The following MYO9A variants were observed in gnomAD, a reference collection of about 807,000 sequenced individuals.
MYO9A encodes myosin IXA, also known as unconventional myosin-IXa.
Under a neutral mutation model 293.3 loss-of-function variants are expected in MYO9A, and 103 were observed. The ratio of observed to expected loss-of-function variants is 0.35; its 90% confidence interval spans 0.30 to 0.41. The LOEUF (loss-of-function observed/expected upper bound fraction) is 0.41, where lower values mean the gene tolerates loss of function less well. Ranked by LOEUF, MYO9A falls within the 10% of genes least tolerant of loss-of-function variation. The pLI, the probability that MYO9A is intolerant of heterozygous loss-of-function variation, is 1.00. For synonymous variants in MYO9A, 1,001 were observed against 1,035.7 expected, an observed-to-expected ratio of 0.97 and a Z score of 0.64; for missense variants, 2,685 against 3,033.0, an observed-to-expected ratio of 0.89 and a Z score of 2.69.
chr15:71,924,335 A>T (rs555523629), intron 18 of MYO9A, among the ~76,000 whole-genome samples: 6 of 151,970 alleles, frequency 3.9e-5, no homozygotes, highest in Non-Finnish European at 7.4e-5. Context: ...TCCACCTCCC[A>T]GGTTCAAGCC....
At chr15:71,981,701 T>C (rs1335190180) in intron 11 of MYO9A, among the ~76,000 whole-genome samples, 1 of 151,848 alleles carries the variant, frequency 6.6e-6, no homozygotes, top group Non-Finnish European at 1.5e-5. Flanking sequence ...TTCATCAATA[T>C]TATTAGCCCT....
At chr15:71,940,407 G>A (rs560657470) in intron 15 of MYO9A, among the ~76,000 whole-genome samples, 1 of 152,216 alleles carries the variant, frequency 6.6e-6, no homozygotes, top group Admixed American at 6.5e-5. Flanking sequence ...TGGGAGAACT[G>A]CTTGGGCCCC....
chr15:72,082,890 GGT>G (rs1217581130), intron 1 of MYO9A, among the ~76,000 whole-genome samples: 3 of 149,070 alleles, frequency 2.0e-5, no homozygotes, highest in Admixed American at 6.8e-5. Context: ...GATCATGGTG[GGT>G]AAGTTTTTTG....
chr15:72,096,560 G>A (rs2080071079), intron 1 of MYO9A, among the ~76,000 whole-genome samples: 1 of 152,192 alleles, frequency 6.6e-6, no homozygotes, highest in Non-Finnish European at 1.5e-5. Context: ...TGTACAAGGA[G>A]ATTAATGTTT....
At chr15:72,028,910 T>C (rs1470501041) in intron 3 of MYO9A, among the ~76,000 whole-genome samples, 3 of 152,240 alleles carry the variant, frequency 2.0e-5, no homozygotes, top group African/African-American at 7.2e-5. Flanking sequence ...ATAAGTGATC[T>C]ACTGCCTGTT....
At chr15:72,065,451 G>A (rs1284564905) in intron 1 of MYO9A, among the ~76,000 whole-genome samples, 1 of 149,892 alleles carries the variant, frequency 6.7e-6, no homozygotes, top group Non-Finnish European at 1.5e-5. Context: ...GGAGGCGGAG[G>A]TTGCAGTGAG....
At chr15:72,024,298 T>C (rs983231456) in intron 4 of MYO9A, among the ~76,000 whole-genome samples, 18 of 152,224 alleles carry the variant, frequency 1.2e-4, no homozygotes, top group Admixed American at 1.0e-3. Flanking sequence ...CATTGATTGA[T>C]TGATTGACAG....
chr15:71,862,665 C>T, intron 32 of MYO9A, 54 bp from the exon 33 acceptor site: 1 of 1,200,278 alleles, frequency 8.3e-7, no homozygotes. Flanking sequence ...AAATGCTGCC[C>T]TAACGTGGTG....
chr15:72,081,433 T>A (rs531251453), intron 1 of MYO9A, among the ~76,000 whole-genome samples: 5 of 152,236 alleles, frequency 3.3e-5, no homozygotes, highest in African/African-American at 1.2e-4. Flanking sequence ...ATTTAAATTC[T>A]TTATAGGTGC....
At chr15:72,027,148 T>A (rs1257235436) in intron 4 of MYO9A, among the ~76,000 whole-genome samples, 2 of 152,200 alleles carry the variant, frequency 1.3e-5, no homozygotes, top group African/African-American at 4.8e-5. Context: ...TTAAAATGTG[T>A]TAGAAAAAGT....
intron 14 of MYO9A, among the ~76,000 whole-genome samples, chr15:71,953,080 AAAGT>A (rs1172372251): frequency 2.6e-5 from 4 of 152,380 alleles, no homozygotes; most frequent in East Asian, 1.9e-4. Flanking sequence ...TTTCATAATA[AAAGT>A]AACTAAACTA....
intron 32 of MYO9A, among the ~76,000 whole-genome samples, chr15:71,873,715 A>G (rs2056594938): frequency 6.6e-6 from 1 of 152,222 alleles, no homozygotes; most frequent in South Asian, 2.1e-4. Flanking sequence ...AGACATTTCT[A>G]TGAATTGCAC....
intron 15 of MYO9A, among the ~76,000 whole-genome samples, chr15:71,951,138 G>C (rs1240816346): frequency 6.6e-6 from 1 of 152,128 alleles, no homozygotes; most frequent in African/African-American, 2.4e-5. Flanking sequence ...TTAATGCGGT[G>C]GTTTTGCTCT....
chr15:72,077,733 G>GAAA (rs60518266), intron 1 of MYO9A, among the ~76,000 whole-genome samples: 24 of 87,406 alleles, frequency 2.7e-4, no homozygotes, highest in African/African-American at 9.5e-4. Context: ...CTGTCTCAAA[G>GAAA]AAAAAAAAAA....
At position 72,020,904 on chromosome 15, in the gene MYO9A, T is replaced by C; in HGVS notation, c.1098+14A>G. The C allele has an allele frequency of 1.4e-6, 2 of 1,463,332 alleles. No individual in the cohort carries two copies. The highest frequency in any genetic ancestry group is 1.5e-5 in the African/African-American group (1 of 67,706). The allele number at this position is 1,463,332 out of a possible 1,614,324, so 90.6% of individuals were successfully genotyped here. A position where few individuals can be genotyped will look rare whatever the true frequency, so the allele number is the denominator to read the frequency against. On this transcript the variant is annotated intron_variant, in intron 5 of 41. Transcript: ENST00000356056. ...ACTGCCCTATACTTCAAAATGCTTT[T>C]TATGAACTCTCACCTGATTGAGATA... is the stretch of plus-strand genomic sequence containing the variant.
chr15:72,026,621 T>C (rs1447955908), intron 4 of MYO9A, among the ~76,000 whole-genome samples: 1 of 150,170 alleles, frequency 6.7e-6, no homozygotes, highest in Non-Finnish European at 1.5e-5. Context: ...AAATAGGAAA[T>C]AGGAAAAAAA....
rs2291278 is a variant in MYO9A, at chr15:71,822,710, G to T, written c.*3870C>A. On this transcript the variant is annotated 3_prime_UTR_variant, in exon 42 of 42. Transcript: ENST00000356056. ...TAAATACAAATACTTGGTTCAAAAG[G>T]TGCAACTTTTATATGACCTCAGAGG... is the stretch of plus-strand genomic sequence containing the variant. The T allele has an allele frequency of 2.0e-5, 3 of 152,174 alleles. No homozygotes were observed. Among genetic ancestry groups the T allele is most frequent in the African/African-American group, 7.2e-5 (3 of 41,508 alleles). The allele number at this position is 152,174 out of a possible 1,614,324, so 9.4% of individuals were successfully genotyped here.
chr15:71,894,800 T>G (rs2057277570), intron 25 of MYO9A, among the ~76,000 whole-genome samples: 1 of 152,184 alleles, frequency 6.6e-6, no homozygotes, highest in African/African-American at 2.4e-5. Context: ...GATGAAAAAG[T>G]GTATATAACC....
In MYO9A at chr15:72,046,596, A is replaced by G; in HGVS notation, c.-33T>C. ...CCTGTCCCATCAGCATGGATAGTAT[A>G]TGTTCAAAGTCGTGCAAACCATTTT... On this transcript the variant is annotated 5_prime_UTR_variant, in exon 2 of 42. Coordinates refer to ENST00000356056, the MANE Select transcript of MYO9A (RefSeq NM_006901.4). 1 of 1,521,466 alleles carries G rather than the reference A, an allele frequency of 6.6e-7. No individual in the cohort carries two copies. The highest frequency in any genetic ancestry group is 8.8e-7 in the Non-Finnish European group (1 of 1,136,296). The allele number at this position is 1,521,466 out of a possible 1,614,324, so 94.2% of individuals were successfully genotyped here.
Sources: allele counts gnomAD v4.1 joint callset (sites outside exome capture counted in the v4.1 genomes callset), GRCh38; gene constraint gnomAD v4.1.1; transcripts MANE v1.5; gene names NCBI Gene and HGNC (gene_info 2026-07-23, HGNC 2026-07-21).